The following UBXN7 variants were observed in gnomAD, a reference collection of about 807,000 sequenced individuals.
The protein encoded by UBXN7 is UBX domain protein 7.
Under a neutral mutation model 58.0 loss-of-function variants are expected in UBXN7, and 9 were observed. The ratio of observed to expected loss-of-function variants is 0.16; its 90% CI spans 0.09 to 0.27. The LOEUF (loss-of-function observed/expected upper bound fraction) is 0.27. Among genes scored for constraint, UBXN7 ranks in the 10% least tolerant of loss-of-function variants. The probability of loss-of-function intolerance (pLI) is 1.00; values close to 1 mark genes in which losing one functional copy is unlikely to be tolerated. For synonymous variants in UBXN7, 208 were observed against 205.0 expected (o/e 1.01, Z -0.12); for missense variants, 328 against 599.6 (o/e 0.55, Z 4.73).
chr3:196,395,408 T>C (rs1577458467), intron 3 of UBXN7, among the ~76,000 whole-genome samples: 2 of 152,332 alleles, frequency 1.3e-5, no homozygotes, highest in East Asian at 3.9e-4. Context: ...CACACTATCA[T>C]CTCTGGGAAA....
intron 5 of UBXN7, among the ~76,000 whole-genome samples, chr3:196,377,318 C>T (rs1049482747): frequency 1.3e-5 from 2 of 152,168 alleles, no homozygotes; most frequent in Non-Finnish European, 2.9e-5. Flanking sequence ...ACGGTACCAG[C>T]TCTTTCCAAC....
intron 8 of UBXN7, 40 bp from the exon 9 acceptor site, chr3:196,362,727 T>A: frequency 6.4e-7 from 1 of 1,554,156 alleles, no homozygotes; most frequent in Non-Finnish European, 8.7e-7. Context: ...AAAGAACAAG[T>A]TAAACCAAAA....
chr3:196,376,545 CAAAAAAAAAAA>C (rs777458391), intron 5 of UBXN7, among the ~76,000 whole-genome samples: 667 of 50,954 alleles, frequency 0.013, 11 homozygotes, highest in African/African-American at 0.039. Flanking sequence ...GACTCTGTCT[CAAAAAAAAAAA>C]AAAAAAAAAA....
Position 196,421,655 on chromosome 3 carries a change from T to C in UBXN7, c.73+10672A>G, listed in dbSNP as rs545471814. 5.3e-5 allele frequency among the ~76,000 whole-genome samples: 8 copies of C among 152,012 alleles called. No individual in the cohort carries two copies. In the South Asian group the frequency reaches 1.7e-3, roughly 32 times the overall value. Reference sequence around the variant, plus strand: ...AGCTGGGTGTGGTGGCAGGCGCCTGTAGTCCCAGCTACTTGGGAGGCTGAG... The same window carrying C: ...AGCTGGGTGTGGTGGCAGGCGCCTGCAGTCCCAGCTACTTGGGAGGCTGAG... On this transcript the variant is annotated intron_variant, in intron 1 of 10. Transcript: ENST00000296328.
intron 5 of UBXN7, among the ~76,000 whole-genome samples, chr3:196,384,113 G>C (rs555988767): frequency 1.1e-4 from 16 of 152,134 alleles, no homozygotes; most frequent in African/African-American, 3.6e-4. Flanking sequence ...AATGATCAAG[G>C]TGATATCACC....
At chr3:196,390,130 G>A (rs77382179) in intron 5 of UBXN7, among the ~76,000 whole-genome samples, 6 of 151,792 alleles carry the variant, frequency 4.0e-5, no homozygotes, top group African/African-American at 1.2e-4. Context: ...AAGACCAGGG[G>A]ATCAATTGAG....
At chr3:196,410,336 A>T (rs1730286966) in intron 1 of UBXN7, among the ~76,000 whole-genome samples, 1 of 152,188 alleles carries the variant, frequency 6.6e-6, no homozygotes, top group Non-Finnish European at 1.5e-5. Context: ...TACTGCAAGA[A>T]ATGGAAGTGC....
chr3:196,418,092 C>T (rs988040676), intron 1 of UBXN7, among the ~76,000 whole-genome samples: 14 of 151,960 alleles, frequency 9.2e-5, no homozygotes, highest in Non-Finnish European at 2.1e-4. Flanking sequence ...ACAAAATTAG[C>T]TGGGCGTGAT....
chr3:196,376,406 CG>C (rs1729021746), intron 5 of UBXN7, among the ~76,000 whole-genome samples: 1 of 151,414 alleles, frequency 6.6e-6, no homozygotes. Context: ...ATTAGCCAGG[CG>C]TGGTGGTGTG....
intron 1 of UBXN7, chr3:196,431,760 G>T (rs1367054935): frequency 2.2e-6 from 1 of 449,510 alleles, no homozygotes; most frequent in Admixed American, 2.4e-5. Context: ...CCCCCGTGAA[G>T]TGTAAAGGCA....
At chr3:196,422,072 C>T (rs974045382) in intron 1 of UBXN7, among the ~76,000 whole-genome samples, 5 of 151,884 alleles carry the variant, frequency 3.3e-5, no homozygotes, top group East Asian at 1.9e-4. Flanking sequence ...AGGTGGTGCA[C>T]GCCTGTAGTC....
At chr3:196,397,517 G>C (rs145425945) in intron 3 of UBXN7, 36 of 152,482 alleles carry the variant, frequency 2.4e-4, no homozygotes, top group African/African-American at 8.2e-4. Context: ...AAAAGATGGG[G>C]GTCTCACTAT....
At chr3:196,402,686 C>A (rs1345818136) in intron 3 of UBXN7, among the ~76,000 whole-genome samples, 3 of 152,150 alleles carry the variant, frequency 2.0e-5, no homozygotes, top group African/African-American at 4.8e-5. Context: ...TAATCAGAAT[C>A]TTTTCATTAT....
intron 3 of UBXN7, among the ~76,000 whole-genome samples, chr3:196,399,125 A>G (rs1729875427): frequency 6.6e-6 from 1 of 152,160 alleles, no homozygotes; most frequent in Admixed American, 6.6e-5. Flanking sequence ...TACTCTAACA[A>G]TCACACAAGT....
chr3:196,359,524 G>A (rs1728448099), intron 10 of UBXN7, among the ~76,000 whole-genome samples: 2 of 152,186 alleles, frequency 1.3e-5, no homozygotes, highest in African/African-American at 2.4e-5. Flanking sequence ...CAGACACAAA[G>A]CTAGGCCTCT....
intron 1 of UBXN7, among the ~76,000 whole-genome samples, chr3:196,415,153 CTTTTT>C (rs869101939): frequency 7.7e-6 from 1 of 130,386 alleles, no homozygotes. Flanking sequence ...TATCATACTT[CTTTTT>C]TTTTTTTTTT....
At chr3:196,371,751 G>A in intron 6 of UBXN7, 145 bp downstream of exon 6, 1 of 988,436 alleles carries the variant, frequency 1.0e-6, no homozygotes, top group Non-Finnish European at 1.4e-6. Flanking sequence ...CCAAAGTGCT[G>A]GGATTATAGG....
chr3:196,394,736 G>A (rs1339186119), intron 3 of UBXN7, among the ~76,000 whole-genome samples: 1 of 152,184 alleles, frequency 6.6e-6, no homozygotes, highest in Middle Eastern at 3.2e-3. Flanking sequence ...TAGCCCTGTT[G>A]TATAGAGTAA....
At chr3:196,372,343 C>CTTTTTTTTT (rs894793736) in intron 5 of UBXN7, among the ~76,000 whole-genome samples, 9 of 107,520 alleles carry the variant, frequency 8.4e-5, no homozygotes, top group Non-Finnish European at 1.0e-4. Flanking sequence ...TTCTTTCTTT[C>CTTTTTTTTT]TTTTTTTTTT....
Sources: allele counts gnomAD v4.1 joint callset (sites outside exome capture counted in the v4.1 genomes callset), GRCh38; gene constraint gnomAD v4.1.1; transcripts MANE v1.5; gene names NCBI Gene and HGNC (gene_info 2026-07-23, HGNC 2026-07-21).